MARCHF1: variants seen among roughly 807,000 people sequenced by gnomAD.
MARCHF1 encodes the protein membrane associated ring-CH-type finger 1, also known as E3 ubiquitin-protein ligase MARCHF1.
A neutral mutation model predicts 54.2 loss-of-function variants in MARCHF1; 40 were observed. The ratio of observed to expected loss-of-function variants is 0.74; its 90% CI spans 0.57 to 0.96. MARCHF1 has a LOEUF of 0.96. Among genes scored for constraint, MARCHF1 ranks in the 40% least tolerant of loss-of-function variants. The probability of loss-of-function intolerance (pLI) is 0.00; values close to 1 mark genes in which losing one functional copy is unlikely to be tolerated. For missense variants in MARCHF1, 586 were observed against 656.5 expected (o/e 0.89, Z 1.17); for synonymous variants, 236 against 236.3 (o/e 1.00, Z 0.01).
At chr4:164,192,703 A>G (rs1323559007) in intron 1 of MARCHF1, among the ~76,000 whole-genome samples, 1 of 152,222 alleles carries the variant, frequency 6.6e-6, no homozygotes, top group Admixed American at 6.5e-5. Flanking sequence ...ACAAGATAAC[A>G]AAACAATAAA....
intron 3 of MARCHF1, among the ~76,000 whole-genome samples, chr4:163,982,533 T>A (rs1207646609): frequency 1.3e-5 from 2 of 152,228 alleles, no homozygotes; most frequent in Non-Finnish European, 2.9e-5. Context: ...TTCTGAGTCC[T>A]TAATGTTGTA....
In MARCHF1 at chr4:164,108,128, A is replaced by G. The variant is rs77044648; in HGVS notation, c.-248+3460T>C. Among the ~76,000 whole-genome samples, 3 of 152,114 alleles carry G rather than the reference A, an allele frequency of 2.0e-5. No individual in the cohort carries two copies. The South Asian group carries it at 6.2e-4, about 32-fold the overall frequency. ...GAACTGTCTTTTGTGACTATCTCTG[A>G]ACAAAGTATAGGCTGCCTAACATGG... On this transcript the variant is annotated intron_variant, in intron 2 of 9. Coordinates refer to ENST00000514618, the MANE Select transcript of MARCHF1 (RefSeq NM_001394959.1).
At chr4:164,072,256 G>A (rs554052128) in intron 2 of MARCHF1, among the ~76,000 whole-genome samples, 1 of 152,298 alleles carries the variant, frequency 6.6e-6, no homozygotes, top group East Asian at 1.9e-4. Flanking sequence ...ATTTATTCAT[G>A]TTTTCTCATC....
intron 4 of MARCHF1, among the ~76,000 whole-genome samples, chr4:163,816,547 AT>A (rs1451472149): frequency 6.6e-6 from 1 of 152,004 alleles, no homozygotes; most frequent in East Asian, 1.9e-4. Context: ...TATAAATTAA[AT>A]TTTTACAAAT....
chr4:164,225,378 TG>T (rs1732222638), intron 1 of MARCHF1, among the ~76,000 whole-genome samples: 2 of 152,050 alleles, frequency 1.3e-5, no homozygotes, highest in African/African-American at 4.8e-5. Flanking sequence ...TATTTGCCCA[TG>T]ATGTCCAAAT....
intron 4 of MARCHF1, among the ~76,000 whole-genome samples, chr4:163,716,269 G>C (rs1745253811): frequency 6.6e-6 from 1 of 152,074 alleles, no homozygotes; most frequent in Admixed American, 6.6e-5. Flanking sequence ...TGATAATTTG[G>C]ATTTAGTCCT....
intron 3 of MARCHF1, among the ~76,000 whole-genome samples, chr4:163,964,914 G>A (rs1026695755): frequency 2.3e-4 from 35 of 151,902 alleles, no homozygotes; most frequent in African/African-American, 3.1e-4. Context: ...GCCCGACACC[G>A]TGACTGAAAT....
At chr4:164,028,012 A>G (rs1373070093) in intron 2 of MARCHF1, among the ~76,000 whole-genome samples, 1 of 152,186 alleles carries the variant, frequency 6.6e-6, no homozygotes, top group Admixed American at 6.5e-5. Flanking sequence ...GAGAAATGCA[A>G]GTTAAAACCA....
chr4:163,793,575 C>T (rs541962665), intron 4 of MARCHF1, among the ~76,000 whole-genome samples: 1 of 152,170 alleles, frequency 6.6e-6, no homozygotes, highest in East Asian at 1.9e-4. Context: ...TTGTCTTATG[C>T]CCAATTTCTG....
At chr4:163,719,618 A>G (rs1381899335) in intron 4 of MARCHF1, among the ~76,000 whole-genome samples, 1 of 151,974 alleles carries the variant, frequency 6.6e-6, no homozygotes, top group Admixed American at 6.6e-5. Flanking sequence ...TGACTTCCAC[A>G]ATGGTTGAAC....
At chr4:164,252,867 A>T (rs372497694) in intron 1 of MARCHF1, among the ~76,000 whole-genome samples, 5 of 152,250 alleles carry the variant, frequency 3.3e-5, no homozygotes, top group East Asian at 1.9e-4. Context: ...GGAAGTTCTA[A>T]GATCTATTTC....
At chr4:164,274,343 C>T (rs1225881703) in intron 1 of MARCHF1, among the ~76,000 whole-genome samples, 3 of 152,126 alleles carry the variant, frequency 2.0e-5, no homozygotes, top group Admixed American at 6.6e-5. Context: ...GTTTCAATAT[C>T]TATATCAAAA....
intron 5 of MARCHF1, among the ~76,000 whole-genome samples, chr4:163,690,361 C>T (rs917722864): frequency 2.0e-5 from 3 of 152,150 alleles, no homozygotes; most frequent in Non-Finnish European, 2.9e-5. Context: ...TTGTCTGTTA[C>T]AGTGCTGGAG....
chr4:164,238,319 A>T (rs1042865835), intron 1 of MARCHF1, among the ~76,000 whole-genome samples: 1 of 152,038 alleles, frequency 6.6e-6, no homozygotes, highest in Non-Finnish European at 1.5e-5. Context: ...TCTACAGAGA[A>T]AAAACAATAG....
intron 4 of MARCHF1, among the ~76,000 whole-genome samples, chr4:163,724,090 G>A (rs1469954391): frequency 6.6e-6 from 1 of 152,210 alleles, no homozygotes; most frequent in Non-Finnish European, 1.5e-5. Context: ...TTTGGAGGGG[G>A]AGAGGTACTC....
chr4:164,241,415 T>C (rs928975946), intron 1 of MARCHF1, among the ~76,000 whole-genome samples: 8 of 152,168 alleles, frequency 5.3e-5, no homozygotes, highest in African/African-American at 1.2e-4. Context: ...GCACACATAA[T>C]TGTCCTGAGT....
At chr4:163,684,906 T>A (rs1482047180) in intron 5 of MARCHF1, among the ~76,000 whole-genome samples, 1 of 152,246 alleles carries the variant, frequency 6.6e-6, no homozygotes, top group Non-Finnish European at 1.5e-5. Context: ...ATCCATCCCT[T>A]TATCCATTCA....
At chr4:164,119,463 TAAATC>T (rs1246778749) in intron 1 of MARCHF1, among the ~76,000 whole-genome samples, 2 of 148,878 alleles carry the variant, frequency 1.3e-5, no homozygotes, top group African/African-American at 5.0e-5. Context: ...AGTCAAATAT[TAAATC>T]AAAAAGCTAG....
chr4:164,271,036 AAAT>A (rs1733733886), intron 1 of MARCHF1, among the ~76,000 whole-genome samples: 1 of 152,202 alleles, frequency 6.6e-6, no homozygotes, highest in Admixed American at 6.6e-5. Context: ...AATAAAATAA[AAAT>A]AAAAACAATG....
Sources: gnomAD v4.1 joint callset for allele counts (sites outside exome capture counted in the v4.1 genomes callset) on GRCh38, gnomAD v4.1.1 for gene constraint, MANE v1.5 for transcripts, NCBI Gene and HGNC (gene_info 2026-07-23, HGNC 2026-07-21) for gene names.